The following TMEM131L variants were observed in gnomAD, a reference collection of about 807,000 sequenced individuals.
TMEM131L encodes transmembrane 131 like.
In TMEM131L, 54 loss-of-function variants were observed where a neutral mutation model predicts 192.2. The observed-to-expected ratio is 0.28, with a 90% CI of 0.23 to 0.35. TMEM131L has a LOEUF of 0.35. Among genes scored for constraint, TMEM131L ranks in the 10% least tolerant of loss-of-function variants. TMEM131L has a pLI of 1.00. For missense variants in TMEM131L, 1,888 were observed against 1,972.9 expected (o/e 0.96, Z 0.82); for synonymous variants, 701 against 704.9 (o/e 0.99, Z 0.09).
At chr4:153,593,273 T>C (rs1036163489) in intron 18 of TMEM131L, among the ~76,000 whole-genome samples, 2 of 152,224 alleles carry the variant, frequency 1.3e-5, no homozygotes, top group African/African-American at 2.4e-5. Flanking sequence ...GCTTTCGCAG[T>C]ATTGGTATTT....
intron 7 of TMEM131L, among the ~76,000 whole-genome samples, chr4:153,570,160 A>G (rs1729490000): frequency 6.6e-6 from 1 of 152,220 alleles, no homozygotes; most frequent in Admixed American, 6.5e-5. Flanking sequence ...ATAGTAAGTC[A>G]TTTGAGCCTC....
chr4:153,607,098 C>G (rs929194575), intron 25 of TMEM131L, among the ~76,000 whole-genome samples: 1 of 151,992 alleles, frequency 6.6e-6, no homozygotes, highest in Admixed American at 6.5e-5. Context: ...ACTGAAAAAT[C>G]TAGGGAAAGA....
At chr4:153,587,655 C>T (rs1403731300) in intron 14 of TMEM131L, 87 bp from the exon 15 acceptor site, 1 of 970,000 alleles carries the variant, frequency 1.0e-6, no homozygotes, top group Admixed American at 1.7e-5. Context: ...GAGGTGCAGA[C>T]CAATGTCTGC....
rs553892935 is a variant in TMEM131L at position 153,585,030 on chromosome 4, T to A, written c.1157+99T>A. 17 of 955,684 alleles carry A rather than the reference T, an allele frequency of 1.8e-5. No individual in the cohort carries two copies. In the African/African-American group the frequency reaches 2.4e-4, roughly 14 times the overall value. The allele number at this position is 955,684 out of a possible 1,614,324, so 59.2% of individuals were successfully genotyped here. A position where few individuals can be genotyped will look rare whatever the true frequency, so the allele number is the denominator to read the frequency against. On this transcript the variant is annotated intron_variant, in intron 12 of 34. Coordinates refer to ENST00000409959, the MANE Select transcript of TMEM131L (RefSeq NM_001131007.2). ...AATATAGTGATATGATTTGTGTGATTCTCTCTCTCACTGGCCTTGCCTCCC... is the reference window on the plus strand; with the variant it reads ...AATATAGTGATATGATTTGTGTGATACTCTCTCTCACTGGCCTTGCCTCCC...
Position 153,596,253 on chromosome 4 carries a change from T to C in TMEM131L, c.1996-5T>C. 1 of 1,613,528 alleles carries C rather than the reference T, an allele frequency of 6.2e-7. No individual in the cohort carries two copies. The highest frequency in any genetic ancestry group is 1.3e-5 in the African/African-American group (1 of 75,028). On this transcript the variant is annotated splice_polypyrimidine_tract_variant and splice_region_variant and intron_variant, in intron 19 of 34. Coordinates refer to ENST00000409959, the MANE Select transcript of TMEM131L (RefSeq NM_001131007.2). ...TATGACATGGTTTAATTTGTTAATT[T>C]GCAGGGTACGCATTCTGAGGAATCC...
chr4:153,523,495 A>G (rs1735260503), intron 3 of TMEM131L, among the ~76,000 whole-genome samples: 1 of 152,210 alleles, frequency 6.6e-6, no homozygotes, highest in Non-Finnish European at 1.5e-5. Context: ...AGGAAACTAA[A>G]TCTGTGGCAT....
intron 3 of TMEM131L, among the ~76,000 whole-genome samples, chr4:153,490,535 G>A (rs757451468): frequency 6.6e-6 from 1 of 152,144 alleles, no homozygotes; most frequent in Non-Finnish European, 1.5e-5. Context: ...ACCACTTTCA[G>A]GTAATATAGT....
chr4:153,613,460 A>G (rs1025187999), intron 26 of TMEM131L, among the ~76,000 whole-genome samples: 1 of 152,360 alleles, frequency 6.6e-6, no homozygotes, highest in African/African-American at 2.4e-5. Flanking sequence ...TGAAAACATG[A>G]AACGTGTAGT....
intron 7 of TMEM131L, among the ~76,000 whole-genome samples, chr4:153,574,876 C>G (rs1444085893): frequency 6.6e-6 from 1 of 152,236 alleles, no homozygotes; most frequent in Non-Finnish European, 1.5e-5. Context: ...GTGTGAGCCA[C>G]TGCGCCCGGC....
rs1469796797 is a variant in TMEM131L, at chr4:153,591,292, A to G, written c.1812+98A>G. 5 of 1,187,092 alleles carry G rather than the reference A, an allele frequency of 4.2e-6. No homozygotes were observed. The East Asian group carries it at 1.4e-4, about 32-fold the overall frequency. 73.5% of individuals were successfully genotyped at this position (1,187,092 alleles called of 1,614,324 possible). ...TGTCCACCTTTAGCTACCATTTCAA[A>G]GCCAAAATTAAGGCGATGTCAAAAG... On this transcript the variant is annotated intron_variant, in intron 17 of 34. Transcript: ENST00000409959.
intron 2 of TMEM131L, among the ~76,000 whole-genome samples, chr4:153,471,094 TCTC>T (rs1260721093): frequency 6.6e-6 from 1 of 152,110 alleles, no homozygotes; most frequent in Non-Finnish European, 1.5e-5. Context: ...TTCAAGTGCT[TCTC>T]CTGCCTGAGC....
intron 3 of TMEM131L, among the ~76,000 whole-genome samples, chr4:153,513,751 A>T (rs115005081): frequency 6.6e-6 from 1 of 152,288 alleles, no homozygotes; most frequent in Non-Finnish European, 1.5e-5. Context: ...CAAAACATTA[A>T]AAGATGGCCT....
At chr4:153,597,690 T>G (rs1248445141) in intron 20 of TMEM131L, among the ~76,000 whole-genome samples, 21 of 152,172 alleles carry the variant, frequency 1.4e-4, no homozygotes, top group Admixed American at 1.3e-3. Flanking sequence ...CTCAGCACTT[T>G]GGGAGGCTGA....
chr4:153,587,020 A>G (rs1370365280), intron 14 of TMEM131L, among the ~76,000 whole-genome samples: 1 of 152,042 alleles, frequency 6.6e-6, no homozygotes, highest in Non-Finnish European at 1.5e-5. Flanking sequence ...TCATGCAACC[A>G]TCTTTATTTT....
At position 153,583,544 on chromosome 4, in the gene TMEM131L, G is replaced by A. The variant is rs751668900; in HGVS notation, c.952-20G>A. Reference sequence around the variant, plus strand: ...TCTCCCAGCTGAGAGTAGTCACATGGGACTTTTCTTTTATTTCAGGATATA... The same window carrying A: ...TCTCCCAGCTGAGAGTAGTCACATGAGACTTTTCTTTTATTTCAGGATATA... On this transcript the variant is annotated intron_variant, in intron 10 of 34. Coordinates refer to ENST00000409959, the MANE Select transcript of TMEM131L (RefSeq NM_001131007.2). The A allele has an allele frequency of 6.6e-7, 1 of 1,510,284 alleles. No homozygotes were observed. Among genetic ancestry groups the A allele is most frequent in the Non-Finnish European group, 9.2e-7 (1 of 1,086,822 alleles). The allele number at this position is 1,510,284 out of a possible 1,614,324, so 93.6% of individuals were successfully genotyped here.
chr4:153,621,846 G>T lies in TMEM131L; in HGVS notation c.3856G>T (p.Ala1286Ser), dbSNP rs1229449632. The change falls in exon 28 of 35, where the codon GCA becomes TCA. Residue 1286 changes from alanine (A) to serine (S), a missense_variant. Transcript: ENST00000409959. ...CAGTTTACCTGCTGCCCAGAGAGAG[G>T]CAGGTATGTAATGATACTGAGCTAC... ...ASSLPAAQRE[A>S]EGYYQKPEKK... The T allele has an allele frequency of 6.2e-7, 1 of 1,613,900 alleles. No individual in the cohort carries two copies. Among genetic ancestry groups the T allele is most frequent in the East Asian group, 2.2e-5 (1 of 44,884 alleles).
At chr4:153,628,915 T>C (rs992926190) in intron 31 of TMEM131L, among the ~76,000 whole-genome samples, 3 of 152,234 alleles carry the variant, frequency 2.0e-5, no homozygotes, top group African/African-American at 7.2e-5. Context: ...ACATCTTGTC[T>C]GCAGTCTGTT....
rs1191582812 is a variant in TMEM131L, at chr4:153,484,842, A to G, written c.239+10954A>G. Among the ~76,000 whole-genome samples the G allele has an allele frequency of 4.1e-5, 6 of 146,020 alleles. No individual in the cohort carries two copies. In the East Asian group the frequency reaches 1.0e-3, roughly 25 times the overall value. ...AATTAAAAAAAAAAAAATTCAGGCCAGGTGCAGTGGCTCACGCCTGTAATC... is the reference window on the plus strand; with the variant it reads ...AATTAAAAAAAAAAAAATTCAGGCCGGGTGCAGTGGCTCACGCCTGTAATC... On this transcript the variant is annotated intron_variant, in intron 3 of 34. Transcript: ENST00000409959.
chr4:153,472,493 T>G (rs1159606055), intron 2 of TMEM131L, among the ~76,000 whole-genome samples: 1 of 152,154 alleles, frequency 6.6e-6, no homozygotes, highest in African/African-American at 2.4e-5. Context: ...GAGCACATAC[T>G]GCAGGCCAAG....
Sources: allele counts gnomAD v4.1 joint callset (sites outside exome capture counted in the v4.1 genomes callset), GRCh38; gene constraint gnomAD v4.1.1; transcripts MANE v1.5; gene names NCBI Gene and HGNC (gene_info 2026-07-23, HGNC 2026-07-21).